Variants in C1orf94 observed in about 807,000 individuals in gnomAD.
C1orf94 encodes uncharacterized protein C1orf94.
A neutral mutation model predicts 53.6 loss-of-function variants in C1orf94; 45 were observed. That is an observed-to-expected ratio of 0.84 (90% CI 0.66 to 1.08). The LOEUF (loss-of-function observed/expected upper bound fraction) is 1.08. C1orf94 is among the 50% of genes least tolerant of loss of function. The probability of loss-of-function intolerance (pLI) is 0.00; values close to 1 mark genes in which losing one functional copy is unlikely to be tolerated. For missense variants in C1orf94, 762 were observed against 738.9 expected (o/e 1.03, Z -0.36); for synonymous variants, 304 against 296.1 (o/e 1.03, Z -0.27).
In C1orf94 at chr1:34,198,605, T is replaced by A. The variant is rs912121394; in HGVS notation, c.1009+692T>A. On this transcript the variant is annotated intron_variant, in intron 2 of 6. Coordinates refer to ENST00000488417, the MANE Select transcript of C1orf94 (RefSeq NM_001134734.2). ...TAGGCTGATGGCCATGGCCATTGCC[T>A]AGAGTCAGCAGTCACTAAGAGAGTG... is the stretch of plus-strand genomic sequence containing the variant. Among the ~76,000 whole-genome samples, 6 of 152,236 alleles carry A rather than the reference T, an allele frequency of 3.9e-5. No homozygotes were observed. The East Asian group carries it at 1.2e-3, about 29-fold the overall frequency.
intron 4 of C1orf94, among the ~76,000 whole-genome samples, chr1:34,206,474 GCTCC>G (rs1642794675): frequency 1.3e-5 from 2 of 152,232 alleles, no homozygotes; most frequent in East Asian, 3.8e-4. Context: ...GACATGGAAT[GCTCC>G]CAGCAGAGAT....
upstream of C1orf94, among the ~76,000 whole-genome samples, chr1:34,173,702 A>G (rs1301166458): frequency 6.6e-6 from 1 of 152,232 alleles, no homozygotes; most frequent in Admixed American, 6.5e-5. Flanking sequence ...TCTCTGTTTC[A>G]TAGATGAGCA....
chr1:34,182,300 GGTATAA>G (rs974422374), intron 1 of C1orf94, among the ~76,000 whole-genome samples: 6 of 152,188 alleles, frequency 3.9e-5, no homozygotes, highest in African/African-American at 1.2e-4. Flanking sequence ...ACATGGCCAT[GGTATAA>G]GTATAACAGA....
At position 34,212,206 on chromosome 1, in the gene C1orf94, G is replaced by T; in HGVS notation, c.1525-4G>T. On this transcript the variant is annotated splice_region_variant and splice_polypyrimidine_tract_variant and intron_variant, in intron 5 of 6. Coordinates refer to ENST00000488417, the MANE Select transcript of C1orf94 (RefSeq NM_001134734.2). ...CTCACCCCTCTCTTCTCTGTGATGTGCAGGTGATGCCATACAACCCACAGC... is the reference window on the plus strand; with the variant it reads ...CTCACCCCTCTCTTCTCTGTGATGTTCAGGTGATGCCATACAACCCACAGC... 1 of 1,606,384 alleles carries T rather than the reference G, an allele frequency of 6.2e-7. No individual in the cohort carries two copies. The highest frequency in any genetic ancestry group is 8.5e-7 in the Non-Finnish European group (1 of 1,175,962).
intron 1 of C1orf94, among the ~76,000 whole-genome samples, chr1:34,188,707 C>T (rs1642427034): frequency 6.6e-6 from 1 of 152,168 alleles, no homozygotes; most frequent in Non-Finnish European, 1.5e-5. Flanking sequence ...TCACTTAATC[C>T]TCACTGCGGC....
At chr1:34,169,688 C>A (rs1160740771) in intron 1 of C1orf94, among the ~76,000 whole-genome samples, 2 of 150,270 alleles carry the variant, frequency 1.3e-5, no homozygotes, top group Middle Eastern at 3.2e-3. Flanking sequence ...GGCCAAGGGG[C>A]AGGCAGGGCT....
At chr1:34,211,088 T>C (rs897840072) in intron 5 of C1orf94, among the ~76,000 whole-genome samples, 15 of 152,210 alleles carry the variant, frequency 9.9e-5, no homozygotes, top group Admixed American at 5.2e-4. Flanking sequence ...TTCTAACTGA[T>C]ACTCCCCTCA....
chr1:34,205,052 TTTA>T (rs1419207981), intron 4 of C1orf94, among the ~76,000 whole-genome samples: 1 of 152,226 alleles, frequency 6.6e-6, no homozygotes, highest in Non-Finnish European at 1.5e-5. Context: ...AATGGTTTGC[TTTA>T]TTAAGTGGGG....
chr1:34,199,136 C>T (rs1246860873), intron 2 of C1orf94, among the ~76,000 whole-genome samples: 1 of 152,158 alleles, frequency 6.6e-6, no homozygotes, highest in African/African-American at 2.4e-5. Flanking sequence ...TCTGTGTACA[C>T]ATTTGTGCAT....
chr1:34,209,203 C>T (rs1642850414), intron 5 of C1orf94, among the ~76,000 whole-genome samples: 1 of 151,820 alleles, frequency 6.6e-6, no homozygotes, highest in African/African-American at 2.4e-5. Context: ...GGCTGGTACT[C>T]CAATGACCAT....
chr1:34,202,190 ACT>A lies in C1orf94; in HGVS notation c.1380_1381del (p.Trp461AlafsTer148). The A allele has an allele frequency of 6.2e-7, 1 of 1,614,080 alleles. No individual in the cohort carries two copies. The highest frequency in any genetic ancestry group is 8.5e-7 in the Non-Finnish European group (1 of 1,180,006). On this transcript the variant is annotated frameshift_variant, in exon 4 of 7. Transcript: ENST00000488417. LOFTEE classifies it high-confidence loss of function. ...AMTSATLNQP[L>X]WLNLNYPPPP... The stretch of plus-strand genomic sequence containing the variant: ...TGACCTCAGCAACCCTGAACCAGCC[ACT>A]CTGGCTCAACCTGAACTATCCACCT...
rs1267528042 is a variant in C1orf94, at chr1:34,181,267, C to A, written c.320+3158C>A. 3.9e-5 allele frequency among the ~76,000 whole-genome samples: 6 copies of A among 152,152 alleles called. 1 individual carries two copies. Among genetic ancestry groups the A allele is most frequent in the African/African-American group, 1.2e-4 (5 of 41,418 alleles). ...CCACCTCTGGTTTTCTAAGTTTCTC[C>A]CCATGTGCCAATTTGGTTAGTTTCC... On this transcript the variant is annotated intron_variant, in intron 1 of 6. Transcript: ENST00000488417.
upstream of C1orf94, among the ~76,000 whole-genome samples, chr1:34,173,492 G>T (rs1199191538): frequency 6.6e-6 from 1 of 152,130 alleles, no homozygotes; most frequent in East Asian, 1.9e-4. Context: ...ATGAGAAGAG[G>T]CTTTGACTGG....
In C1orf94 at chr1:34,217,472, A is replaced by T. The variant is rs1643008016; in HGVS notation, c.1722-1214A>T. Among the ~76,000 whole-genome samples, 3 of 71,786 alleles carry T rather than the reference A, an allele frequency of 4.2e-5. No individual in the cohort carries two copies. The Admixed American group carries it at 4.6e-4, about 11-fold the overall frequency. The allele number at this position is 71,786 out of a possible 152,430, so 47.1% of individuals were successfully genotyped here. On this transcript the variant is annotated intron_variant, in intron 6 of 6. Coordinates refer to ENST00000488417, the MANE Select transcript of C1orf94 (RefSeq NM_001134734.2). ...TATAATAACATCATTATGATTTCTG[A>T]ATGATCCCAATATGATTTCTGAAAG...
intron 1 of C1orf94, among the ~76,000 whole-genome samples, chr1:34,168,432 G>A (rs1409516278): frequency 6.6e-6 from 1 of 152,156 alleles, no homozygotes; most frequent in Non-Finnish European, 1.5e-5. Context: ...ATCCAGGTAA[G>A]CAATGGGAGA....
At chr1:34,210,704 G>C (rs1486115961) in intron 5 of C1orf94, among the ~76,000 whole-genome samples, 1 of 151,878 alleles carries the variant, frequency 6.6e-6, no homozygotes, top group Non-Finnish European at 1.5e-5. Context: ...GCCCAGGCTG[G>C]AGTGCAGTGG....
intron 5 of C1orf94, 72 bp from the exon 6 acceptor site, chr1:34,212,138 G>C: frequency 7.2e-7 from 1 of 1,394,546 alleles, no homozygotes; most frequent in South Asian, 1.4e-5. Flanking sequence ...GCTGAGACTG[G>C]GGGTGGGTGG....
At chr1:34,211,943 C>T (rs1642895479) in intron 5 of C1orf94, among the ~76,000 whole-genome samples, 1 of 152,120 alleles carries the variant, frequency 6.6e-6, no homozygotes, top group African/African-American at 2.4e-5. Flanking sequence ...TGTCTCTCTA[C>T]TTGTATCACC....
intron 1 of C1orf94, among the ~76,000 whole-genome samples, chr1:34,196,186 C>T (rs972901423): frequency 3.3e-5 from 5 of 151,970 alleles, no homozygotes; most frequent in South Asian, 2.1e-4. Flanking sequence ...GTGAGGTGGG[C>T]GGGGCCACCA....
Sources: allele counts gnomAD v4.1 joint callset (sites outside exome capture counted in the v4.1 genomes callset), GRCh38; gene constraint gnomAD v4.1.1; transcripts MANE v1.5; gene names NCBI Gene and HGNC (gene_info 2026-07-23, HGNC 2026-07-21).